The following ZNF148 variants were observed in gnomAD, a reference collection of about 807,000 sequenced individuals.
The protein encoded by ZNF148 is Beta-Enolase Repressor Factor-1.
ZNF148 carries 7 observed loss-of-function variants against 67.7 expected under a neutral mutation model. That is an observed-to-expected ratio of 0.10 (90% CI 0.06 to 0.19). ZNF148 has a LOEUF of 0.19. Ranked by LOEUF, ZNF148 falls within the 10% of genes least tolerant of loss-of-function variation. The pLI, the probability that ZNF148 is intolerant of heterozygous loss-of-function variation, is 1.00. For synonymous variants in ZNF148, 333 were observed against 330.7 expected (o/e 1.01, Z -0.08); for missense variants, 583 against 947.1 (o/e 0.62, Z 5.05).
At chr3:125,285,565 A>C (rs9826108) in intron 5 of ZNF148, among the ~76,000 whole-genome samples, 116,155 of 151,574 alleles carry the variant, frequency 0.77, 45,016 homozygotes, top group African/African-American at 0.84. Context: ...AAAAAAAAAA[A>C]AAAACAAAAC....
chr3:125,306,619 G>C (rs1939893373), intron 4 of ZNF148, among the ~76,000 whole-genome samples: 1 of 152,014 alleles, frequency 6.6e-6, no homozygotes, highest in South Asian at 2.1e-4. Context: ...CCTTCCCACA[G>C]GCTGAGGTGG....
intron 1 of ZNF148, among the ~76,000 whole-genome samples, chr3:125,350,246 C>T (rs1212734866): frequency 2.0e-5 from 3 of 152,124 alleles, no homozygotes; most frequent in Non-Finnish European, 4.4e-5. Flanking sequence ...TGCAATCTCC[C>T]GTCTCCTGGG....
At chr3:125,299,117 A>G (rs931067199) in intron 4 of ZNF148, among the ~76,000 whole-genome samples, 5 of 152,204 alleles carry the variant, frequency 3.3e-5, no homozygotes, top group Admixed American at 2.6e-4. Flanking sequence ...CCTTGTTTTA[A>G]TATTTACAAT....
intron 7 of ZNF148, among the ~76,000 whole-genome samples, chr3:125,241,732 A>C (rs1459285182): frequency 6.6e-6 from 1 of 152,236 alleles, no homozygotes; most frequent in East Asian, 1.9e-4. Flanking sequence ...AAATGTATTA[A>C]TTCACATATA....
At chr3:125,348,169 G>T (rs557793812) in intron 1 of ZNF148, among the ~76,000 whole-genome samples, 1 of 152,240 alleles carries the variant, frequency 6.6e-6, no homozygotes, top group South Asian at 2.1e-4. Flanking sequence ...TGTAGCTGGA[G>T]GATTGCTTGA....
intron 1 of ZNF148, among the ~76,000 whole-genome samples, chr3:125,353,961 T>C (rs1559778079): frequency 6.6e-6 from 1 of 152,116 alleles, no homozygotes; most frequent in Admixed American, 6.6e-5. Context: ...GAGGTACAGA[T>C]GACATAAGCT....
chr3:125,324,582 A>G (rs1459991919), intron 2 of ZNF148, among the ~76,000 whole-genome samples: 1 of 152,194 alleles, frequency 6.6e-6, no homozygotes, highest in East Asian at 1.9e-4. Flanking sequence ...CCTACCCTGG[A>G]GGTTCTTAAA....
intron 1 of ZNF148, among the ~76,000 whole-genome samples, chr3:125,362,225 G>A (rs1027554461): frequency 4.0e-5 from 6 of 151,868 alleles, no homozygotes; most frequent in Non-Finnish European, 7.4e-5. Context: ...ACAAATACTC[G>A]AACCCTTCTA....
At chr3:125,272,685 G>T (rs1042507685) in intron 7 of ZNF148, among the ~76,000 whole-genome samples, 1 of 151,756 alleles carries the variant, frequency 6.6e-6, no homozygotes, top group Non-Finnish European at 1.5e-5. Flanking sequence ...ACATATAAAT[G>T]ATCTCTTTTA....
In ZNF148 at chr3:125,344,349, A is replaced by T. The variant is rs567808347; in HGVS notation, c.-233-13111T>A. 1.4e-5 allele frequency: 8 copies of T among 580,186 alleles called. No individual in the cohort carries two copies. In the East Asian group the frequency reaches 2.3e-4, roughly 17 times the overall value. 35.9% of individuals were successfully genotyped at this position (580,186 alleles called of 1,614,324 possible). On this transcript the variant is annotated intron_variant, in intron 1 of 8. Transcript: ENST00000360647. ...ATCTTGTATCAAAAGAAGAAAATCC[A>T]CTTCCAAAAGATGGAAATCCACTGA...
chr3:125,259,652 A>AT (rs1448466003), intron 7 of ZNF148, among the ~76,000 whole-genome samples: 1 of 152,206 alleles, frequency 6.6e-6, no homozygotes, highest in Admixed American at 6.5e-5. Flanking sequence ...ACCAATGTAC[A>AT]TTATCACAAT....
At position 125,277,887 on chromosome 3, in the gene ZNF148, A is replaced by C. The variant is rs1161338434; in HGVS notation, c.584-78T>G. On this transcript the variant is annotated intron_variant, in intron 6 of 8. Coordinates refer to ENST00000360647, the MANE Select transcript of ZNF148 (RefSeq NM_021964.3). ...TAGTTACTGTTTCTGAGGAAAGAAA[A>C]ATCTTAGATGCCCAAATTTTGGAAA... 4.9e-6 allele frequency: 6 copies of C among 1,213,652 alleles called. No individual in the cohort carries two copies. The Admixed American group carries it at 1.7e-4, about 35-fold the overall frequency. The allele number at this position is 1,213,652 out of a possible 1,614,324, so 75.2% of individuals were successfully genotyped here. A position where few individuals can be genotyped will look rare whatever the true frequency, so the allele number is the denominator to read the frequency against.
intron 2 of ZNF148, among the ~76,000 whole-genome samples, chr3:125,326,953 T>C (rs886545352): frequency 1.3e-5 from 2 of 151,220 alleles, no homozygotes; most frequent in South Asian, 4.2e-4. Flanking sequence ...ATGGTCTAAA[T>C]AGTCCAGTGG....
intron 4 of ZNF148, among the ~76,000 whole-genome samples, chr3:125,296,311 A>T (rs1254367242): frequency 6.6e-6 from 1 of 152,126 alleles, no homozygotes; most frequent in African/African-American, 2.4e-5. Flanking sequence ...TTTAGTAGAG[A>T]CAGGGTTGGC....
chr3:125,305,284 G>GA (rs921032928), intron 4 of ZNF148, among the ~76,000 whole-genome samples: 1 of 151,678 alleles, frequency 6.6e-6, no homozygotes, highest in East Asian at 1.9e-4. Flanking sequence ...TCCTAAGGAG[G>GA]AAAAAAAATC....
At chr3:125,374,096 C>G (rs1290211806) in intron 1 of ZNF148, among the ~76,000 whole-genome samples, 1 of 152,150 alleles carries the variant, frequency 6.6e-6, no homozygotes, top group Non-Finnish European at 1.5e-5. Context: ...TCCCCACAGG[C>G]CAGACCCTTT....
intron 4 of ZNF148, among the ~76,000 whole-genome samples, chr3:125,295,563 T>C (rs1381261833): frequency 6.6e-6 from 1 of 151,892 alleles, no homozygotes; most frequent in Admixed American, 6.6e-5. Context: ...CTTCCAGAAG[T>C]AGTATGGCAA....
intron 1 of ZNF148, among the ~76,000 whole-genome samples, chr3:125,341,991 T>C (rs891922094): frequency 3.7e-5 from 2 of 54,740 alleles, no homozygotes; most frequent in Admixed American, 1.4e-4. Flanking sequence ...CCACACTCTG[T>C]TTCGGGGCGG....
At chr3:125,338,107 A>C (rs1408853637) in intron 1 of ZNF148, among the ~76,000 whole-genome samples, 1 of 152,064 alleles carries the variant, frequency 6.6e-6, no homozygotes, top group Non-Finnish European at 1.5e-5. Flanking sequence ...CTATCTCCAA[A>C]TCAAAAACAA....
Sources: allele counts gnomAD v4.1 joint callset (sites outside exome capture counted in the v4.1 genomes callset), GRCh38; gene constraint gnomAD v4.1.1; transcripts MANE v1.5; gene names NCBI Gene and HGNC (gene_info 2026-07-23, HGNC 2026-07-21).